The following TMEM132D variants were observed in gnomAD, a reference collection of about 807,000 sequenced individuals.
The protein encoded by TMEM132D is transmembrane protein 132D.
A neutral mutation model predicts 62.3 loss-of-function variants in TMEM132D; 21 were observed. That is an observed-to-expected ratio of 0.34 (90% CI 0.24 to 0.49). The LOEUF (loss-of-function observed/expected upper bound fraction) is 0.49. Ranked by LOEUF, TMEM132D falls within the 20% of genes least tolerant of loss-of-function variation. The pLI is 0.99. For missense variants in TMEM132D, 1,346 were observed against 1,402.8 expected (o/e 0.96, Z 0.65); for synonymous variants, 621 against 575.6 (o/e 1.08, Z -1.13).
chr12:129,724,515 T>TTGTTTC (rs1868955930), intron 1 of TMEM132D, among the ~76,000 whole-genome samples: 1 of 152,154 alleles, frequency 6.6e-6, no homozygotes, highest in African/African-American at 2.4e-5. Context: ...TTTTTGTTTT[T>TTGTTTC]TGTTTCTGTT....
chr12:129,871,475 G>C (rs1175321232), intron 1 of TMEM132D, among the ~76,000 whole-genome samples: 1 of 152,074 alleles, frequency 6.6e-6, no homozygotes, highest in Admixed American at 6.6e-5. Context: ...AAAAGGCAAC[G>C]AATCCCCCTT....
At chr12:129,748,062 A>G (rs1215283443) in intron 1 of TMEM132D, among the ~76,000 whole-genome samples, 3 of 152,192 alleles carry the variant, frequency 2.0e-5, no homozygotes, top group Admixed American at 6.5e-5. Context: ...GGCTTGGTGC[A>G]TGGTACCTGC....
chr12:129,719,596 G>A (rs1266891311), intron 1 of TMEM132D, among the ~76,000 whole-genome samples: 1 of 152,188 alleles, frequency 6.6e-6, no homozygotes, highest in East Asian at 1.9e-4. Flanking sequence ...ATGGCCAATT[G>A]TTTCCCATAT....
chr12:129,192,555 A>G (rs1044021086), intron 5 of TMEM132D, among the ~76,000 whole-genome samples: 4 of 152,256 alleles, frequency 2.6e-5, no homozygotes, highest in African/African-American at 9.6e-5. Context: ...ACTAATCATG[A>G]AAAATACCCC....
At chr12:129,338,736 T>C (rs1869371755) in intron 3 of TMEM132D, among the ~76,000 whole-genome samples, 1 of 152,206 alleles carries the variant, frequency 6.6e-6, no homozygotes, top group Non-Finnish European at 1.5e-5. Context: ...TTTACACCTT[T>C]GAGAAATGAT....
At chr12:129,378,526 G>T (rs936735456) in intron 3 of TMEM132D, among the ~76,000 whole-genome samples, 1 of 152,222 alleles carries the variant, frequency 6.6e-6, no homozygotes, top group Non-Finnish European at 1.5e-5. Context: ...TTTCAAAGTA[G>T]TTGAAAGCTA....
chr12:129,767,505 G>A (rs954737989), intron 1 of TMEM132D, among the ~76,000 whole-genome samples: 5 of 152,034 alleles, frequency 3.3e-5, no homozygotes, highest in African/African-American at 1.2e-4. Flanking sequence ...TATTCCCCAT[G>A]TCCCCTCAGC....
chr12:129,134,071 T>TTG (rs145876975), intron 5 of TMEM132D, among the ~76,000 whole-genome samples: 27 of 151,192 alleles, frequency 1.8e-4, no homozygotes, highest in Admixed American at 1.4e-3. Context: ...GAGTATTGTG[T>TTG]TGTGTGTGTG....
intron 3 of TMEM132D, among the ~76,000 whole-genome samples, chr12:129,381,235 C>T (rs1870942171): frequency 6.6e-6 from 1 of 152,138 alleles, no homozygotes; most frequent in Non-Finnish European, 1.5e-5. Flanking sequence ...AGAAACTATG[C>T]CAATTAGTAT....
chr12:129,429,721 C>T, intron 3 of TMEM132D, among the ~76,000 whole-genome samples: 1 of 148,162 alleles, frequency 6.7e-6, no homozygotes, highest in Admixed American at 6.8e-5. Context: ...TCTCCTAATG[C>T]TATCCCTCCC....
At chr12:129,185,225 C>T (rs1333238324) in intron 5 of TMEM132D, among the ~76,000 whole-genome samples, 2 of 151,996 alleles carry the variant, frequency 1.3e-5, no homozygotes, top group South Asian at 2.1e-4. Flanking sequence ...CCATCCAGGG[C>T]GTGAGGACCC....
intron 4 of TMEM132D, among the ~76,000 whole-genome samples, chr12:129,213,729 C>A (rs892587804): frequency 6.6e-6 from 1 of 152,052 alleles, no homozygotes; most frequent in Non-Finnish European, 1.5e-5. Flanking sequence ...GCTGAGAACT[C>A]CATCACTGCC....
chr12:129,829,939 G>C (rs913748275), intron 1 of TMEM132D, among the ~76,000 whole-genome samples: 5 of 152,162 alleles, frequency 3.3e-5, no homozygotes, highest in Non-Finnish European at 7.4e-5. Context: ...CAGGTTTTAA[G>C]TTTGTTTGTC....
chr12:129,525,783 A>T (rs575702097), intron 3 of TMEM132D, among the ~76,000 whole-genome samples: 1 of 152,206 alleles, frequency 6.6e-6, no homozygotes, highest in Non-Finnish European at 1.5e-5. Flanking sequence ...TCTGGATCTC[A>T]CATTTATGTT....
chr12:129,656,262 G>A (rs1476244222), intron 2 of TMEM132D, among the ~76,000 whole-genome samples: 4 of 140,946 alleles, frequency 2.8e-5, no homozygotes, highest in South Asian at 2.4e-4. Context: ...AATGAAGGAA[G>A]GAGAAAAGGA....
At chr12:129,830,556 T>G (rs1187369546) in intron 1 of TMEM132D, among the ~76,000 whole-genome samples, 2 of 152,064 alleles carry the variant, frequency 1.3e-5, no homozygotes, top group African/African-American at 4.8e-5. Flanking sequence ...GTCCCTGCCT[T>G]TCTGAATGGA....
chr12:129,478,465 T>C (rs1338976740), intron 3 of TMEM132D, among the ~76,000 whole-genome samples: 2 of 152,222 alleles, frequency 1.3e-5, no homozygotes, highest in Admixed American at 1.3e-4. Context: ...ATGCATTGCA[T>C]GACTACATAT....
intron 5 of TMEM132D, among the ~76,000 whole-genome samples, chr12:129,121,904 G>A (rs141593880): frequency 1.3e-5 from 2 of 152,306 alleles, no homozygotes; most frequent in African/African-American, 4.8e-5. Context: ...TGAGAGAAAG[G>A]GAGGGCTCCA....
chr12:129,675,343 T>A (rs1880601038), intron 2 of TMEM132D, among the ~76,000 whole-genome samples: 1 of 150,746 alleles, frequency 6.6e-6, no homozygotes, highest in South Asian at 2.1e-4. Flanking sequence ...TGGAGACAGA[T>A]TGGGGAACAT....
Sources: gnomAD v4.1 joint callset for allele counts (sites outside exome capture counted in the v4.1 genomes callset) on GRCh38, gnomAD v4.1.1 for gene constraint, MANE v1.5 for transcripts, NCBI Gene and HGNC (gene_info 2026-07-23, HGNC 2026-07-21) for gene names.